The following HMGN5 variants were observed in gnomAD, a reference collection of about 807,000 sequenced individuals.
The protein encoded by HMGN5 is high mobility group nucleosome binding domain 5, also known as high mobility group nucleosome-binding domain-containing protein 5.
In HMGN5, 4 loss-of-function variants were observed where a neutral mutation model predicts 9.5. That is an observed-to-expected ratio of 0.42 (90% CI 0.21 to 0.96). The LOEUF (loss-of-function observed/expected upper bound fraction) is 0.96, where lower values mean the gene tolerates loss of function less well. Among genes scored for constraint, HMGN5 ranks in the 40% least tolerant of loss-of-function variants. The pLI is 0.30. For synonymous variants in HMGN5, 55 were observed against 57.1 expected (o/e 0.96, Z 0.16); for missense variants, 192 against 187.5 (o/e 1.02, Z -0.14).
chrX:81,136,988 A>AAGAC (rs761984025), intron 1 of HMGN5, among the ~76,000 whole-genome samples: 2 of 111,951 alleles, frequency 1.8e-5, no homozygotes, highest in South Asian at 7.4e-4. Flanking sequence ...ATTCACCCTG[A>AAGAC]AGACATAATG....
At chrX:81,132,958 C>T (rs2147547650) in intron 1 of HMGN5, among the ~76,000 whole-genome samples, 1 of 111,816 alleles carries the variant, frequency 8.9e-6, no homozygotes, top group African/African-American at 3.2e-5. Flanking sequence ...AACTATGCAT[C>T]TGACAAAGGT....
At chrX:81,188,441 T>C (rs960057116) in intron 1 of HMGN5, among the ~76,000 whole-genome samples, 73 of 109,875 alleles carry the variant, frequency 6.6e-4, no homozygotes, top group Non-Finnish European at 1.3e-3. Flanking sequence ...ATGTTGTAAT[T>C]ATTGTTTTTG....
At chrX:81,169,509 G>A (rs748461236) in intron 1 of HMGN5, among the ~76,000 whole-genome samples, 10 of 111,214 alleles carry the variant, frequency 9.0e-5, no homozygotes, top group African/African-American at 3.3e-4. Context: ...TACCTAACGG[G>A]CCAAATAACC....
chrX:81,199,281 A>G (rs2075518124), intron 1 of HMGN5, among the ~76,000 whole-genome samples: 1 of 112,161 alleles, frequency 8.9e-6, no homozygotes, highest in African/African-American at 3.2e-5. Flanking sequence ...AAGAATCAAT[A>G]TCGTGAAAAT....
At chrX:81,174,255 T>C (rs17333035) in intron 1 of HMGN5, among the ~76,000 whole-genome samples, 2,040 of 111,387 alleles carry the variant, frequency 0.018, 56 homozygotes, top group Admixed American at 0.088. Context: ...TCCTTTTTAT[T>C]TAATTTACAG....
Position 81,129,716 on chromosome X carries a change from G to A in HMGN5, c.-123-8044C>T, listed in dbSNP as rs181628428. The stretch of plus-strand genomic sequence containing the variant: ...ATTTATTTTGGTTTCAGGAGTGAGT[G>A]GGGGATACAGCCTTATTTTTTTGAA... On this transcript the variant is annotated intron_variant, in intron 1 of 6. Coordinates refer to ENST00000358130, the MANE Select transcript of HMGN5 (RefSeq NM_030763.3). Among the ~76,000 whole-genome samples the A allele has an allele frequency of 1.7e-3, 184 of 111,461 alleles. 1 individual carries two copies. Among genetic ancestry groups the A allele is most frequent in the African/African-American group, 5.6e-3 (171 of 30,737 alleles).
At position 81,121,604 on chromosome X, in the gene HMGN5, C is replaced by A. The variant is rs1602556291; in HGVS notation, c.-55G>T. On this transcript the variant is annotated 5_prime_UTR_variant, in exon 2 of 7. Transcript: ENST00000358130. ...CAGCAGAAAAAAAGCCGAAGGCAGT[C>A]ACTGCCTGACTGCTCCAAGAGCAAA... The A allele has an allele frequency of 2.1e-6, 2 of 941,196 alleles. No homozygotes were observed. The highest frequency in any genetic ancestry group is 4.0e-5 in the African/African-American group (2 of 50,617). The allele number at this position is 941,196 out of a possible 1,213,427, so 77.6% of individuals were successfully genotyped here.
At position 81,115,230 on chromosome X, in the gene HMGN5, C is replaced by G. The variant is rs2075250023; in HGVS notation, c.268G>C (p.Ala90Pro). 8.6e-7 allele frequency: 1 copy of G among 1,165,698 alleles called. No individual in the cohort carries two copies. Among genetic ancestry groups the G allele is most frequent in the Non-Finnish European group, 1.1e-6 (1 of 877,945 alleles). ...ACAATTTCTTTTTCAGAAGCTGGTG[C>G]CTGTAAGTATAGTGAAAAGAAAAAC... ...AKNGEAKITE[A>P]PASEKEIVEV... Residue 90 changes from alanine (A) to proline (P), a missense_variant and splice_region_variant, in exon 7 of 7, where the codon GCA (alanine) becomes CCA (proline). Coordinates refer to ENST00000358130, the MANE Select transcript of HMGN5 (RefSeq NM_030763.3).
intron 6 of HMGN5, among the ~76,000 whole-genome samples, chrX:81,115,526 C>T (rs1034514711): frequency 1.8e-5 from 2 of 111,824 alleles, no homozygotes; most frequent in Non-Finnish European, 3.8e-5. Context: ...AAAGTAAATA[C>T]TTAAAGGATG....
chrX:81,116,349 G>T lies in HMGN5; in HGVS notation c.130-8C>A, dbSNP rs1355176577. 8.7e-7 allele frequency: 1 copy of T among 1,150,144 alleles called. No homozygotes were observed. The allele number at this position is 1,150,144 out of a possible 1,213,427, so 94.8% of individuals were successfully genotyped here. A position where few individuals can be genotyped will look rare whatever the true frequency, so the allele number is the denominator to read the frequency against. Reference sequence around the variant, plus strand: ...ACTTTTTGTCTTCATTTTCTGCCAAGCAATATAAAACAATGAAAGTAAATA... The same window carrying T: ...ACTTTTTGTCTTCATTTTCTGCCAATCAATATAAAACAATGAAAGTAAATA... On this transcript the variant is annotated splice_region_variant and splice_polypyrimidine_tract_variant and intron_variant, in intron 5 of 6. Transcript: ENST00000358130.
At chrX:81,169,470 G>T in intron 1 of HMGN5, among the ~76,000 whole-genome samples, 1 of 111,554 alleles carries the variant, frequency 9.0e-6, no homozygotes, top group South Asian at 3.8e-4. Flanking sequence ...TTGGAGAACT[G>T]CTTGAAAAAA....
intron 1 of HMGN5, among the ~76,000 whole-genome samples, chrX:81,140,119 TGAG>T (rs1456406593): frequency 4.5e-5 from 5 of 111,217 alleles, no homozygotes; most frequent in African/African-American, 1.3e-4. Context: ...GAGGAAAGAA[TGAG>T]GAGGACTTTG....
At chrX:81,136,064 C>T (rs1449843944) in intron 1 of HMGN5, among the ~76,000 whole-genome samples, 1 of 111,683 alleles carries the variant, frequency 9.0e-6, no homozygotes, top group Non-Finnish European at 1.9e-5. Flanking sequence ...GATGCAGCCA[C>T]CTGATCTTGA....
chrX:81,167,607 G>A (rs2075414663), intron 1 of HMGN5, among the ~76,000 whole-genome samples: 1 of 111,730 alleles, frequency 9.0e-6, no homozygotes, highest in South Asian at 3.7e-4. Context: ...CAACTGAACT[G>A]ATTTAATAGC....
intron 1 of HMGN5, among the ~76,000 whole-genome samples, chrX:81,129,930 C>G (rs976502143): frequency 9.0e-6 from 1 of 111,692 alleles, no homozygotes; most frequent in African/African-American, 3.3e-5. Flanking sequence ...CTCATTGTCA[C>G]CTTCTCTACT....
intron 1 of HMGN5, among the ~76,000 whole-genome samples, chrX:81,146,622 G>T (rs2075344653): frequency 9.0e-6 from 1 of 111,626 alleles, no homozygotes; most frequent in South Asian, 3.7e-4. Flanking sequence ...TCAAAAGCTA[G>T]CAGAAGACAA....
chrX:81,139,177 AAAG>A (rs1172994998), intron 1 of HMGN5, among the ~76,000 whole-genome samples: 1 of 112,681 alleles, frequency 8.9e-6, no homozygotes, highest in Non-Finnish European at 1.9e-5. Context: ...GCAATTTCAA[AAAG>A]AAGAACAAAG....
intron 1 of HMGN5, among the ~76,000 whole-genome samples, chrX:81,151,397 G>C (rs1235937630): frequency 2.7e-5 from 3 of 111,400 alleles, no homozygotes; most frequent in Non-Finnish European, 5.7e-5. Flanking sequence ...CTCCAGCTTT[G>C]TTCTTTTGGC....
chrX:81,175,373 ATTAC>A (rs1188799566), intron 1 of HMGN5, among the ~76,000 whole-genome samples: 4 of 109,841 alleles, frequency 3.6e-5, no homozygotes, highest in African/African-American at 1.3e-4. Context: ...GTATGTGTGT[ATTAC>A]TTATCATTAT....
Sources: allele counts gnomAD v4.1 joint callset (sites outside exome capture counted in the v4.1 genomes callset), GRCh38; gene constraint gnomAD v4.1.1; transcripts MANE v1.5; gene names NCBI Gene and HGNC (gene_info 2026-07-23, HGNC 2026-07-21).